The following ARHGEF3 variants were observed in gnomAD, a reference collection of about 807,000 sequenced individuals.
ARHGEF3 encodes Rho guanine nucleotide exchange factor 3, also known as 59.8 kDA protein.
In ARHGEF3, 28 loss-of-function variants were observed where a neutral mutation model predicts 63.2. The observed-to-expected ratio is 0.44, with a 90% CI of 0.33 to 0.61. The LOEUF (loss-of-function observed/expected upper bound fraction) is 0.61, where lower values mean the gene tolerates loss of function less well. Among genes scored for constraint, ARHGEF3 ranks in the 20% least tolerant of loss-of-function variants. ARHGEF3 has a pLI of 0.03. For synonymous variants in ARHGEF3, 266 were observed against 254.2 expected (o/e 1.05, Z -0.44); for missense variants, 533 against 659.3 (o/e 0.81, Z 2.10).
At chr3:56,764,945 C>T (rs1414007669) in intron 2 of ARHGEF3, among the ~76,000 whole-genome samples, 2 of 151,842 alleles carry the variant, frequency 1.3e-5, no homozygotes, top group African/African-American at 4.8e-5. Flanking sequence ...TTAGTAGAGA[C>T]GGGGTTTCAC....
At chr3:56,737,498 A>G (rs1478286185) in intron 7 of ARHGEF3, 143 bp from the exon 8 acceptor site, 2 of 589,796 alleles carry the variant, frequency 3.4e-6, no homozygotes, top group Middle Eastern at 4.6e-4. Context: ...GAAAAGAGAA[A>G]AAAAAAAAAC....
intron 1 of ARHGEF3, among the ~76,000 whole-genome samples, chr3:56,782,155 C>A (rs1038693084): frequency 2.6e-5 from 4 of 152,016 alleles, no homozygotes. Flanking sequence ...CTAAAATTTC[C>A]ATTGAAATAT....
chr3:56,999,208 T>A (rs1038040273), intron 2 of ARHGEF3, among the ~76,000 whole-genome samples: 1 of 152,014 alleles, frequency 6.6e-6, no homozygotes, highest in African/African-American at 2.4e-5. Context: ...ACAGGTGCCA[T>A]GCCCAGCTAA....
At position 56,968,065 on chromosome 3, in the gene ARHGEF3, TATATA is replaced by T. The variant is rs1419688289; in HGVS notation, c.63-9181_63-9177del. Among the ~76,000 whole-genome samples the T allele has an allele frequency of 2.5e-3, 132 of 52,096 alleles. 2 individuals carry two copies. Among genetic ancestry groups the T allele is most frequent in the African/African-American group, 9.2e-3 (126 of 13,624 alleles). The allele number at this position is 52,096 out of a possible 152,430, so 34.2% of individuals were successfully genotyped here. A position where few individuals can be genotyped will look rare whatever the true frequency, so the allele number is the denominator to read the frequency against. On this transcript the variant is annotated intron_variant, in intron 2 of 12. Coordinates refer to the ARHGEF3 transcript ENST00000338458. ...TAAAATATATATAATATATATAATATATATAATATATTATATATTTATTATACATA... is the reference window on the plus strand; with the variant it reads ...TAAAATATATATAATATATATAATATATATATTATATATTTATTATACATA...
At chr3:57,014,214 C>T (rs1187660169) in intron 2 of ARHGEF3, among the ~76,000 whole-genome samples, 4 of 152,172 alleles carry the variant, frequency 2.6e-5, no homozygotes, top group East Asian at 1.9e-4. Flanking sequence ...ACTCCAAACA[C>T]GTCTGAATAT....
intron 4 of ARHGEF3, among the ~76,000 whole-genome samples, chr3:56,816,382 T>C (rs1288722748): frequency 4.6e-5 from 7 of 152,316 alleles, no homozygotes; most frequent in South Asian, 4.1e-4. Context: ...AAAACAAAGA[T>C]ACCTTGCAGC....
At chr3:56,971,252 T>C (rs1164023348) in intron 2 of ARHGEF3, among the ~76,000 whole-genome samples, 1 of 152,178 alleles carries the variant, frequency 6.6e-6, no homozygotes. Context: ...AGAACATGCA[T>C]AGTGGAAGCC....
At chr3:56,913,148 T>TAA (rs1194064002) in intron 3 of ARHGEF3, among the ~76,000 whole-genome samples, 2 of 65,170 alleles carry the variant, frequency 3.1e-5, no homozygotes, top group African/African-American at 8.1e-5. Flanking sequence ...CCTTGTCTCC[T>TAA]AAAAAAAAAA....
chr3:56,831,610 T>C (rs1310401667), intron 4 of ARHGEF3, among the ~76,000 whole-genome samples: 1 of 151,996 alleles, frequency 6.6e-6, no homozygotes, highest in Non-Finnish European at 1.5e-5. Flanking sequence ...GGGCCATTCT[T>C]GGCTACAGTT....
At chr3:56,914,180 G>A (rs9856354) in intron 3 of ARHGEF3, among the ~76,000 whole-genome samples, 138,029 of 152,226 alleles carry the variant, frequency 0.91, 62,822 homozygotes, top group South Asian at 0.96. Flanking sequence ...TGCAGTGTAT[G>A]CTGCTTGGAT....
intron 2 of ARHGEF3, among the ~76,000 whole-genome samples, chr3:56,965,099 T>G (rs1700434979): frequency 6.6e-6 from 1 of 152,098 alleles, no homozygotes; most frequent in Non-Finnish European, 1.5e-5. Flanking sequence ...AAAAAAATTT[T>G]TTTTAATTAA....
At chr3:57,013,287 C>T (rs978286047) in intron 2 of ARHGEF3, among the ~76,000 whole-genome samples, 16 of 152,258 alleles carry the variant, frequency 1.1e-4, no homozygotes, top group Admixed American at 2.0e-4. Context: ...GCTCAGCCCC[C>T]GGCCCTGGCA....
At chr3:56,998,490 G>C (rs1702074567) in intron 2 of ARHGEF3, among the ~76,000 whole-genome samples, 1 of 151,718 alleles carries the variant, frequency 6.6e-6, no homozygotes, top group Admixed American at 6.6e-5. Context: ...TTGCTATGGG[G>C]ACCCCAGGCA....
chr3:56,785,897 C>T (rs2036780294), intron 1 of ARHGEF3, among the ~76,000 whole-genome samples: 2 of 152,180 alleles, frequency 1.3e-5, no homozygotes, highest in South Asian at 2.1e-4. Flanking sequence ...GAAAATGGAT[C>T]CCCTTCTCTT....
At chr3:57,059,096 C>A (rs1195112464) in intron 1 of ARHGEF3, among the ~76,000 whole-genome samples, 2 of 151,948 alleles carry the variant, frequency 1.3e-5, no homozygotes, top group East Asian at 3.9e-4. Context: ...AGATATGTAA[C>A]AAACCTGCAC....
upstream of ARHGEF3, among the ~76,000 whole-genome samples, chr3:56,806,156 T>TA (rs1286688838): frequency 6.6e-6 from 1 of 152,206 alleles, no homozygotes; most frequent in Non-Finnish European, 1.5e-5. Context: ...ACCTTCCCCA[T>TA]ATGTAATGCA....
exon 4 of ARHGEF3, chr3:56,882,330 C>T (rs549737811): frequency 6.4e-7 from 1 of 1,551,806 alleles, no homozygotes; most frequent in Non-Finnish European, 8.7e-7. Flanking sequence ...GCATCTTCAT[C>T]TTGGGTGCTC....
chr3:56,859,829 C>T (rs780681174), intron 4 of ARHGEF3, among the ~76,000 whole-genome samples: 53 of 151,932 alleles, frequency 3.5e-4, no homozygotes, highest in Non-Finnish European at 5.9e-4. Context: ...TGAGCCACTA[C>T]ACCCAGCCCC....
At chr3:56,864,997 G>T (rs982610880) in intron 4 of ARHGEF3, among the ~76,000 whole-genome samples, 2 of 152,066 alleles carry the variant, frequency 1.3e-5, no homozygotes, top group Non-Finnish European at 2.9e-5. Flanking sequence ...GGTATACTGG[G>T]AGCCCATTAA....
Sources: allele counts gnomAD v4.1 joint callset (sites outside exome capture counted in the v4.1 genomes callset), GRCh38; gene constraint gnomAD v4.1.1; transcripts MANE v1.5; gene names NCBI Gene and HGNC (gene_info 2026-07-23, HGNC 2026-07-21).